MAPK8: variants seen among roughly 807,000 people sequenced by gnomAD.
The protein encoded by MAPK8 is mitogen-activated protein kinase 8.
Under a neutral mutation model 52.9 loss-of-function variants are expected in MAPK8, and 13 were observed. That is an observed-to-expected ratio of 0.25 (90% CI 0.16 to 0.39). MAPK8 has a LOEUF of 0.39. Among genes scored for constraint, MAPK8 ranks in the 10% least tolerant of loss-of-function variants. The pLI, the probability that MAPK8 is intolerant of heterozygous loss-of-function variation, is 1.00. For missense variants in MAPK8, 300 were observed against 519.2 expected, an observed-to-expected ratio of 0.58 and a Z score of 4.10; for synonymous variants, 191 against 169.8, an observed-to-expected ratio of 1.12 and a Z score of -0.97.
At chr10:48,347,038 C>G (rs1845856479) in intron 1 of MAPK8, among the ~76,000 whole-genome samples, 1 of 152,160 alleles carries the variant, frequency 6.6e-6, no homozygotes, top group Non-Finnish European at 1.5e-5. Flanking sequence ...GTAGTGGTCC[C>G]CCGGGCCCAG....
chr10:48,383,551 A>G (rs760858561), intron 1 of MAPK8, among the ~76,000 whole-genome samples: 3 of 152,334 alleles, frequency 2.0e-5, no homozygotes, highest in Non-Finnish European at 4.4e-5. Flanking sequence ...TTTAGATCTT[A>G]TCTCAGCTGG....
chr10:48,401,490 G>T, intron 1 of MAPK8, 122 bp from the exon 2 acceptor site: 1 of 548,706 alleles, frequency 1.8e-6, no homozygotes, highest in Non-Finnish European at 3.2e-6. Flanking sequence ...GTTTTTTAAT[G>T]AAGCAGCTCT....
At chr10:48,350,771 A>G (rs577545300) in intron 1 of MAPK8, among the ~76,000 whole-genome samples, 75 of 152,338 alleles carry the variant, frequency 4.9e-4, no homozygotes, top group South Asian at 3.3e-3. Flanking sequence ...GGCCAGGGCA[A>G]TCAGGCAAGA....
chr10:48,342,134 G>T (rs1357553305), intron 1 of MAPK8, among the ~76,000 whole-genome samples: 1 of 152,190 alleles, frequency 6.6e-6, no homozygotes, highest in Non-Finnish European at 1.5e-5. Flanking sequence ...TTGAGACGGG[G>T]TCTCTGTTGC....
chr10:48,379,643 GA>G (rs2040869431), intron 1 of MAPK8, among the ~76,000 whole-genome samples: 2 of 151,922 alleles, frequency 1.3e-5, no homozygotes, highest in South Asian at 4.2e-4. Flanking sequence ...AATATGAGAA[GA>G]ATCAACAATG....
chr10:48,418,498 AG>A, intron 5 of MAPK8, among the ~76,000 whole-genome samples: 1 of 152,308 alleles, frequency 6.6e-6, no homozygotes, highest in Non-Finnish European at 1.5e-5. Flanking sequence ...TCCTCTGGAA[AG>A]TTCCTAATCA....
intron 1 of MAPK8, among the ~76,000 whole-genome samples, chr10:48,390,913 A>G (rs2041587517): frequency 6.6e-6 from 1 of 152,240 alleles, no homozygotes; most frequent in Non-Finnish European, 1.5e-5. Context: ...TATTGTCCTC[A>G]GAAAGACCAT....
chr10:48,324,405 T>G (rs1843278530), intron 1 of MAPK8, among the ~76,000 whole-genome samples: 2 of 152,172 alleles, frequency 1.3e-5, no homozygotes, highest in African/African-American at 4.8e-5. Flanking sequence ...AAAGGTCAAC[T>G]TGTAACTGCT....
chr10:48,335,995 C>A (rs1316204157), intron 1 of MAPK8, among the ~76,000 whole-genome samples: 4 of 152,128 alleles, frequency 2.6e-5, no homozygotes, highest in Non-Finnish European at 4.4e-5. Flanking sequence ...GTGAGGCCTG[C>A]AGATCTTTCA....
intron 5 of MAPK8, among the ~76,000 whole-genome samples, chr10:48,413,818 TATATATATA>T (rs2042899253): frequency 1.7e-4 from 10 of 58,934 alleles, no homozygotes; most frequent in African/African-American, 6.5e-4. Context: ...AGAATTGTTA[TATATATATA>T]TATATATATA....
intron 1 of MAPK8, among the ~76,000 whole-genome samples, chr10:48,364,142 A>G (rs1162609602): frequency 6.6e-6 from 1 of 152,132 alleles, no homozygotes; most frequent in Non-Finnish European, 1.5e-5. Context: ...TTCTGTAGTA[A>G]TATTTATTTA....
chr10:48,353,183 A>G (rs1846506097), intron 1 of MAPK8, among the ~76,000 whole-genome samples: 1 of 152,180 alleles, frequency 6.6e-6, no homozygotes, highest in South Asian at 2.1e-4. Context: ...AATAGATGTA[A>G]TACAAGTTTA....
At chr10:48,424,475 C>A (rs755459542) in intron 7 of MAPK8, 8 of 1,316,630 alleles carry the variant, frequency 6.1e-6, no homozygotes, top group African/African-American at 1.5e-5. Flanking sequence ...TTATTTTAAC[C>A]AAAATCTTTA....
chr10:48,348,253 ATTTG>A (rs1845977245), intron 1 of MAPK8, among the ~76,000 whole-genome samples: 1 of 152,102 alleles, frequency 6.6e-6, no homozygotes, highest in African/African-American at 2.4e-5. Context: ...TTTCTTGTAA[ATTTG>A]TTTAAGTTCT....
At chr10:48,371,743 CT>C (rs1848545165) in intron 1 of MAPK8, among the ~76,000 whole-genome samples, 3 of 152,126 alleles carry the variant, frequency 2.0e-5, no homozygotes, top group African/African-American at 7.2e-5. Context: ...CACTGCCCCC[CT>C]ACTTCAGATG....
chr10:48,329,665 G>A (rs1843915602), intron 1 of MAPK8, among the ~76,000 whole-genome samples: 1 of 152,078 alleles, frequency 6.6e-6, no homozygotes, highest in South Asian at 2.1e-4. Flanking sequence ...AGTTACTGCT[G>A]GAACTACAGA....
At chr10:48,366,906 C>T (rs1038506455) in intron 1 of MAPK8, among the ~76,000 whole-genome samples, 5 of 151,970 alleles carry the variant, frequency 3.3e-5, no homozygotes, top group Non-Finnish European at 7.4e-5. Context: ...TTCTAGAATC[C>T]TCCCTGCTAC....
intron 1 of MAPK8, among the ~76,000 whole-genome samples, chr10:48,391,097 G>A (rs2041597488): frequency 2.6e-5 from 4 of 152,182 alleles, no homozygotes; most frequent in African/African-American, 9.6e-5. Flanking sequence ...AAGGGAAAGG[G>A]AAATGAACAA....
intron 1 of MAPK8, among the ~76,000 whole-genome samples, chr10:48,317,621 G>A (rs960388766): frequency 2.0e-5 from 3 of 152,220 alleles, no homozygotes; most frequent in Non-Finnish European, 2.9e-5. Context: ...TGGCATTGCT[G>A]TATGTAGGAA....
Sources: allele counts gnomAD v4.1 joint callset (sites outside exome capture counted in the v4.1 genomes callset), GRCh38; gene constraint gnomAD v4.1.1; transcripts MANE v1.5; gene names NCBI Gene and HGNC (gene_info 2026-07-23, HGNC 2026-07-21).